TGM3: variants seen among roughly 807,000 people sequenced by gnomAD.
The protein encoded by TGM3 is protein-glutamine gamma-glutamyltransferase E.
TGM3 carries 52 observed loss-of-function variants against 73.8 expected under a neutral mutation model. The observed-to-expected ratio is 0.70, with a 90% CI of 0.56 to 0.89. The LOEUF is 0.89. Among genes scored for constraint, TGM3 ranks in the 40% least tolerant of loss-of-function variants. The probability of loss-of-function intolerance (pLI) is 0.00; values close to 1 mark genes in which losing one functional copy is unlikely to be tolerated. For synonymous variants in TGM3, 372 were observed against 354.9 expected, an observed-to-expected ratio of 1.05 and a Z score of -0.54; for missense variants, 928 against 909.9, an observed-to-expected ratio of 1.02 and a Z score of -0.26.
intron 1 of TGM3, among the ~76,000 whole-genome samples, chr20:2,300,266 A>G (rs61185682): frequency 0.017 from 2,654 of 151,838 alleles, 74 homozygotes; most frequent in African/African-American, 0.06. Flanking sequence ...AGAGAGGAGA[A>G]GAGAAGAGAA....
At position 2,340,486 on chromosome 20, in the gene TGM3, C is replaced by T; in HGVS notation, c.1987C>T (p.Pro663Ser). 2 of 1,614,166 alleles carry T rather than the reference C, an allele frequency of 1.2e-6. No homozygotes were observed. Among genetic ancestry groups the T allele is most frequent in the Non-Finnish European group, 1.7e-6 (2 of 1,180,018 alleles). Residue 663 changes from proline (P) to serine (S), a missense_variant, in exon 13 of 13, where the codon CCC (proline) becomes TCC (serine). Pro to Ser is a moderately conservative substitution (Grantham distance 74). Coordinates refer to ENST00000381458, the MANE Select transcript of TGM3 (RefSeq NM_003245.4). Reference protein sequence around the residue: ...EGSRVRFDILPSRSGTKQLLA... With the variant: ...EGSRVRFDILSSRSGTKQLLA... ...GTCCCGGGTCCGTTTTGATATCCTG[C>T]CCTCCCGGAGTGGCACCAAGCAACT...
intron 9 of TGM3, among the ~76,000 whole-genome samples, chr20:2,329,953 C>T (rs1416871774): frequency 2.0e-5 from 3 of 152,056 alleles, no homozygotes; most frequent in Admixed American, 6.5e-5. Flanking sequence ...CATGACTGTA[C>T]GATCCTGTGG....
At chr20:2,331,931 G>A in intron 9 of TGM3, 71 bp from the exon 10 acceptor site, 1 of 1,526,692 alleles carries the variant, frequency 6.6e-7, no homozygotes, top group Non-Finnish European at 8.8e-7. Flanking sequence ...CGCCTGTCCA[G>A]GCAGGGTACT....
chr20:2,330,079 C>T (rs6137695), intron 9 of TGM3, among the ~76,000 whole-genome samples: 103,235 of 151,816 alleles, frequency 0.68, 36,393 homozygotes, highest in East Asian at 0.9. Context: ...GAAGGACTCC[C>T]AGCAATGCCC....
At chr20:2,310,492 T>C (rs2084198023) in intron 3 of TGM3, 75 bp downstream of exon 3, 1 of 1,569,878 alleles carries the variant, frequency 6.4e-7, no homozygotes, top group Non-Finnish European at 8.6e-7. Flanking sequence ...GAAATGATCT[T>C]CACAGGCTCA....
chr20:2,305,545 C>T (rs214795), intron 1 of TGM3, among the ~76,000 whole-genome samples: 3 of 152,050 alleles, frequency 2.0e-5, no homozygotes, highest in African/African-American at 7.3e-5. Context: ...ACATACATAA[C>T]ATGTTCTGTG....
chr20:2,306,424 C>T (rs1568622690), intron 1 of TGM3, among the ~76,000 whole-genome samples: 1 of 151,644 alleles, frequency 6.6e-6, no homozygotes, highest in Non-Finnish European at 1.5e-5. Flanking sequence ...TATATATTTC[C>T]AGAGGTTCTT....
At chr20:2,308,510 T>C (rs963867416) in intron 1 of TGM3, among the ~76,000 whole-genome samples, 14 of 152,308 alleles carry the variant, frequency 9.2e-5, no homozygotes, top group Admixed American at 8.5e-4. Context: ...TTCACAACCA[T>C]GTGAGAGTAA....
In TGM3 at chr20:2,328,598, G is replaced by T. The variant is rs1414628194; in HGVS notation, c.1333+233G>T. ...GGAAGTTTGCTGCAGGGCACAGGTG[G>T]CTGTCAACCCAGCCCATCTCCAGCT... On this transcript the variant is annotated intron_variant, in intron 9 of 12. Transcript: ENST00000381458. The surrounding 1 kb of genome is among the most constrained non-coding windows in gnomAD (Gnocchi z 5.2). Among the ~76,000 whole-genome samples, 1 of 152,212 alleles carries T rather than the reference G, an allele frequency of 6.6e-6. No individual in the cohort carries two copies. The highest frequency in any genetic ancestry group is 1.9e-4 in the East Asian group (1 of 5,192).
chr20:2,298,716 G>C (rs2084125198), intron 1 of TGM3, among the ~76,000 whole-genome samples: 1 of 152,188 alleles, frequency 6.6e-6, no homozygotes, highest in African/African-American at 2.4e-5. Flanking sequence ...AATTGCTCTT[G>C]GGTTCTGGCC....
At chr20:2,296,178 G>A in intron 1 of TGM3, 108 bp downstream of exon 1, 1 of 1,361,256 alleles carries the variant, frequency 7.3e-7, no homozygotes, top group Non-Finnish European at 1.0e-6. Context: ...CTGCCTTGGG[G>A]GCTCTGAAGG....
chr20:2,305,171 T>A (rs1301911312), intron 1 of TGM3, among the ~76,000 whole-genome samples: 1 of 152,160 alleles, frequency 6.6e-6, no homozygotes, highest in South Asian at 2.1e-4. Flanking sequence ...TCATCAGTCA[T>A]TGGTGATGAA....
intron 8 of TGM3, among the ~76,000 whole-genome samples, 170 bp from the exon 9 acceptor site, chr20:2,327,950 C>T (rs1428218861): frequency 3.3e-5 from 5 of 152,202 alleles, no homozygotes; most frequent in South Asian, 4.1e-4. Context: ...AATCATAGCC[C>T]GGGAGGGTCT....
chr20:2,335,217 T>C lies in TGM3; in HGVS notation c.1744T>C (p.Ser582Pro). The C allele has an allele frequency of 6.2e-7, 1 of 1,613,820 alleles. No individual in the cohort carries two copies. Among genetic ancestry groups the C allele is most frequent in the South Asian group, 1.1e-5 (1 of 91,072 alleles). Residue 582 changes from serine to proline, a missense_variant, in exon 11 of 13, where the codon TCT becomes CCT. Ser to Pro is a moderately conservative substitution (Grantham distance 74, BLOSUM62 -1). Coordinates refer to ENST00000381458, the MANE Select transcript of TGM3 (RefSeq NM_003245.4). Reference sequence around the variant, plus strand: ...AGCGGTGTGCAAGGTCCCAGATGAGTCTGAGGTGGTGGTGGAGCGGGACAT... The same window carrying C: ...AGCGGTGTGCAAGGTCCCAGATGAGCCTGAGGTGGTGGTGGAGCGGGACAT... ...ITAVCKVPDE[S>P]EVVVERDIIL... is the part of the protein sequence containing the mutation.
Position 2,317,389 on chromosome 20 carries a change from A to G in TGM3, c.887A>G (p.Asn296Ser), listed in dbSNP as rs768237602. The G allele has an allele frequency of 6.8e-6, 11 of 1,614,044 alleles. No individual in the cohort carries two copies. The East Asian group carries it at 1.8e-4, about 26-fold the overall frequency. ...GGGATTCCTTCCCGGGTGATCACCA[A>G]CTTCAACTCAGCTCATGACACAGAC... ...SLGIPSRVIT[N>S]FNSAHDTDRN... The change falls in exon 7 of 13, where the codon AAC (asparagine) becomes AGC (serine). Residue 296 changes from asparagine (N) to serine (S), a missense_variant. Transcript: ENST00000381458.
chr20:2,316,144 TGGTTGTGTCACTTA>T (rs1183580890), intron 5 of TGM3, among the ~76,000 whole-genome samples: 1 of 152,212 alleles, frequency 6.6e-6, no homozygotes, highest in Non-Finnish European at 1.5e-5. Flanking sequence ...GGCTGCCTCT[TGGTTGTGTCACTTA>T]GATTAGAACC....
At chr20:2,313,399 C>T (rs148940753) in intron 5 of TGM3, among the ~76,000 whole-genome samples, 7 of 152,260 alleles carry the variant, frequency 4.6e-5, no homozygotes, top group Non-Finnish European at 7.3e-5. Context: ...GGAAAGGAAG[C>T]GAGACCCTGA....
chr20:2,299,869 G>A (rs1042205268), intron 1 of TGM3, among the ~76,000 whole-genome samples: 3 of 152,184 alleles, frequency 2.0e-5, no homozygotes, highest in East Asian at 1.9e-4. Context: ...AGGTCAAGGC[G>A]GGTAGATTAT....
At chr20:2,311,902 CCAGA>C (rs1451116965) in intron 4 of TGM3, among the ~76,000 whole-genome samples, 7 of 151,770 alleles carry the variant, frequency 4.6e-5, no homozygotes, top group Non-Finnish European at 7.4e-5. Flanking sequence ...GATGAGGGCA[CCAGA>C]CAGAGATCTT....
Sources: allele counts gnomAD v4.1 joint callset (sites outside exome capture counted in the v4.1 genomes callset), GRCh38; gene constraint gnomAD v4.1.1; non-coding constraint Gnocchi (gnomAD v3.1); transcripts MANE v1.5; gene names NCBI Gene and HGNC (gene_info 2026-07-23, HGNC 2026-07-21).